The following FAM135B variants were observed in gnomAD, a reference collection of about 807,000 sequenced individuals.
FAM135B encodes family with sequence similarity 135 member B.
A neutral mutation model predicts 127.7 loss-of-function variants in FAM135B; 43 were observed. That is an observed-to-expected ratio of 0.34 (90% CI 0.26 to 0.43). The LOEUF (loss-of-function observed/expected upper bound fraction) is 0.43. Ranked by LOEUF, FAM135B falls within the 20% of genes least tolerant of loss-of-function variation. The pLI is 1.00. For missense variants in FAM135B, 1,558 were observed against 1,725.6 expected (o/e 0.90, Z 1.72); for synonymous variants, 670 against 665.1 (o/e 1.01, Z -0.11).
intron 2 of FAM135B, among the ~76,000 whole-genome samples, chr8:138,334,246 G>A (rs916853420): frequency 3.9e-5 from 6 of 152,076 alleles, no homozygotes; most frequent in South Asian, 4.2e-4. Context: ...ATTGACCCAC[G>A]ACAGAAGGGT....
At position 138,132,490 on chromosome 8, in the gene FAM135B, T is replaced by C; in HGVS notation, c.*103A>G. 3.1e-6 allele frequency: 3 copies of C among 956,262 alleles called. No homozygotes were observed. The highest frequency in any genetic ancestry group is 3.3e-6 in the Non-Finnish European group (2 of 613,928). The allele number at this position is 956,262 out of a possible 1,614,324, so 59.2% of individuals were successfully genotyped here. On this transcript the variant is annotated 3_prime_UTR_variant, in exon 20 of 20. Transcript: ENST00000395297. This position sits in a 1 kb window ranked among gnomAD's most constrained non-coding sequence, Gnocchi z 4.5. The stretch of plus-strand genomic sequence containing the variant: ...CACCCGAGCCTCCGTCCCCCAATGC[T>C]GTTGAAGCTTCATTCTGAAATGGTG...
At chr8:138,278,429 A>G (rs1044163539) in intron 3 of FAM135B, among the ~76,000 whole-genome samples, 1 of 151,690 alleles carries the variant, frequency 6.6e-6, no homozygotes, top group Non-Finnish European at 1.5e-5. Context: ...CAAAAGCAAT[A>G]TGTGTTTGCT....
In FAM135B at chr8:138,151,895, G is replaced by A. The variant is rs2130747380; in HGVS notation, c.2580C>T (p.His860=). ...TCTCAGTCCTGCCATCAGGAAGACA[G>A]TGTCCTTGAGCATCAAACTGCTTCC... ...GKGKQFDAQG[H]CLPDGRTENT... The change falls in exon 13 of 20, where the codon CAC becomes CAT. Residue 860 remains histidine (H), a synonymous_variant. Coordinates refer to ENST00000395297, the MANE Select transcript of FAM135B (RefSeq NM_015912.4). The A allele has an allele frequency of 1.2e-6, 2 of 1,614,044 alleles. No individual in the cohort carries two copies. Among genetic ancestry groups the A allele is most frequent in the Non-Finnish European group, 1.7e-6 (2 of 1,179,906 alleles).
rs141152378 is a variant in FAM135B at position 138,150,625 on chromosome 8, G to A, written c.3281+569C>T. Reference sequence around the variant, plus strand: ...GGAGGCTGCAGTGAGCAGAGATTGCGTCACTGCACTCCAGCCTGGCGACAG... The same window carrying A: ...GGAGGCTGCAGTGAGCAGAGATTGCATCACTGCACTCCAGCCTGGCGACAG... On this transcript the variant is annotated intron_variant, in intron 13 of 19. Transcript: ENST00000395297. Among the ~76,000 whole-genome samples the A allele has an allele frequency of 3.7e-3, 558 of 151,970 alleles. 6 individuals are homozygous for A. The highest frequency in any genetic ancestry group is 0.016 in the Admixed American group (248 of 15,262).
At chr8:138,436,602 T>G (rs1356041647) in intron 1 of FAM135B, among the ~76,000 whole-genome samples, 1 of 152,158 alleles carries the variant, frequency 6.6e-6, no homozygotes, top group Non-Finnish European at 1.5e-5. Flanking sequence ...TTTGCAACCA[T>G]GTGTTCACGT....
At chr8:138,238,043 T>C (rs891900959) in intron 7 of FAM135B, among the ~76,000 whole-genome samples, 2 of 151,936 alleles carry the variant, frequency 1.3e-5, no homozygotes, top group African/African-American at 4.8e-5. Flanking sequence ...TCATATCCAA[T>C]TATCTCTCTA....
chr8:138,458,801 T>G (rs979211451), intron 1 of FAM135B, among the ~76,000 whole-genome samples: 4 of 152,126 alleles, frequency 2.6e-5, no homozygotes, highest in Admixed American at 2.6e-4. Flanking sequence ...GACCGCTGAT[T>G]TAGGAGTTCA....
chr8:138,382,113 A>G (rs1261900370), intron 1 of FAM135B, among the ~76,000 whole-genome samples: 2 of 152,086 alleles, frequency 1.3e-5, no homozygotes, highest in Non-Finnish European at 2.9e-5. Flanking sequence ...AGCCCACGTC[A>G]CCGTGTTCCC....
intron 1 of FAM135B, among the ~76,000 whole-genome samples, chr8:138,372,085 T>C (rs907279986): frequency 7.2e-5 from 11 of 152,230 alleles, no homozygotes; most frequent in Admixed American, 5.2e-4. Context: ...CTGGGAAGGC[T>C]GGCTTCTGAA....
intron 1 of FAM135B, among the ~76,000 whole-genome samples, chr8:138,432,895 T>C (rs978961340): frequency 4.6e-5 from 7 of 152,044 alleles, no homozygotes; most frequent in Non-Finnish European, 1.5e-5. Context: ...AAAACCTTAA[T>C]GTTTGTAAAA....
At position 138,229,977 on chromosome 8, in the gene FAM135B, C is replaced by T. The variant is rs575944395; in HGVS notation, c.669+12965G>A. 3.9e-4 allele frequency among the ~76,000 whole-genome samples: 60 copies of T among 152,302 alleles called. 1 individual carries two copies. The South Asian group carries it at 0.012, about 31-fold the overall frequency. Reference sequence around the variant, plus strand: ...GATTATTACAATTCAAAGTGAGATTCGGGTGTGGACACACAGCCAAACCAT... The same window carrying T: ...GATTATTACAATTCAAAGTGAGATTTGGGTGTGGACACACAGCCAAACCAT... On this transcript the variant is annotated intron_variant, in intron 7 of 19. Coordinates refer to ENST00000395297, the MANE Select transcript of FAM135B (RefSeq NM_015912.4).
intron 1 of FAM135B, among the ~76,000 whole-genome samples, chr8:138,481,778 C>G (rs1474587457): frequency 6.7e-6 from 1 of 149,738 alleles, no homozygotes; most frequent in Non-Finnish European, 1.5e-5. Flanking sequence ...CAACTGGTCT[C>G]TCCCAGCAAC....
chr8:138,372,345 T>G (rs73429418), intron 1 of FAM135B, among the ~76,000 whole-genome samples: 2,744 of 152,260 alleles, frequency 0.018, 93 homozygotes, highest in African/African-American at 0.063. Context: ...CACCACATTT[T>G]AGGCAAACAT....
chr8:138,227,874 C>A (rs1201278247), intron 7 of FAM135B, among the ~76,000 whole-genome samples: 2 of 152,020 alleles, frequency 1.3e-5, no homozygotes. Flanking sequence ...AGAACTTATT[C>A]ATCTTGCATA....
chr8:138,372,592 G>A (rs937854668), intron 1 of FAM135B, among the ~76,000 whole-genome samples: 4 of 152,046 alleles, frequency 2.6e-5, no homozygotes, highest in African/African-American at 9.7e-5. Context: ...TGTAAAGTGA[G>A]GACAATAATA....
Position 138,243,392 on chromosome 8 carries a change from A to G in FAM135B, c.543-324T>C, listed in dbSNP as rs952181225. Reference sequence around the variant, plus strand: ...TTATATCACTAGAGGGGAAGGTGGCATGGGCTCCGAAAATTTCAGGGGCAA... The same window carrying G: ...TTATATCACTAGAGGGGAAGGTGGCGTGGGCTCCGAAAATTTCAGGGGCAA... On this transcript the variant is annotated intron_variant, in intron 6 of 19. Coordinates refer to ENST00000395297, the MANE Select transcript of FAM135B (RefSeq NM_015912.4). The surrounding 1 kb of genome is among the most constrained non-coding windows in gnomAD (Gnocchi z 7.5). 3.3e-5 allele frequency among the ~76,000 whole-genome samples: 5 copies of G among 152,198 alleles called. No individual in the cohort carries two copies. The highest frequency in any genetic ancestry group is 1.2e-4 in the African/African-American group (5 of 41,458).
At chr8:138,260,890 G>T (rs1378530061) in intron 4 of FAM135B, among the ~76,000 whole-genome samples, 2 of 152,076 alleles carry the variant, frequency 1.3e-5, no homozygotes, top group Non-Finnish European at 2.9e-5. Context: ...GGAAAAATAT[G>T]ACCTTTGGCG....
intron 13 of FAM135B, among the ~76,000 whole-genome samples, chr8:138,149,168 T>A (rs7816373): frequency 0.69 from 104,379 of 150,754 alleles, 36,182 homozygotes; most frequent in East Asian, 0.76. Flanking sequence ...AATAAAATTT[T>A]AAAAAGAGAA....
At chr8:138,392,088 A>G (rs771640816) in intron 1 of FAM135B, among the ~76,000 whole-genome samples, 3 of 152,246 alleles carry the variant, frequency 2.0e-5, no homozygotes, top group Non-Finnish European at 2.9e-5. Context: ...TAACATATGG[A>G]AACACCTGGC....
Sources: allele counts gnomAD v4.1 joint callset (sites outside exome capture counted in the v4.1 genomes callset), GRCh38; gene constraint gnomAD v4.1.1; non-coding constraint Gnocchi (gnomAD v3.1); transcripts MANE v1.5; gene names NCBI Gene and HGNC (gene_info 2026-07-23, HGNC 2026-07-21).